TASP1: variants seen among roughly 807,000 people sequenced by gnomAD.
TASP1 encodes the protein taspase 1, also known as threonine aspartase 1.
Under a neutral mutation model 56.6 loss-of-function variants are expected in TASP1, and 16 were observed. The observed-to-expected ratio is 0.28, with a 90% confidence interval of 0.19 to 0.43. The LOEUF (loss-of-function observed/expected upper bound fraction) is 0.43. TASP1 is among the 20% of genes least tolerant of loss of function. TASP1 has a pLI of 1.00. For synonymous variants in TASP1, 179 were observed against 184.2 expected (o/e 0.97, Z 0.23); for missense variants, 393 against 511.6 (o/e 0.77, Z 2.24).
At chr20:13,550,371 T>G (rs549848995) in intron 8 of TASP1, among the ~76,000 whole-genome samples, 1 of 152,130 alleles carries the variant, frequency 6.6e-6, no homozygotes, top group South Asian at 2.1e-4. Flanking sequence ...AAGACATTAA[T>G]TAAGTTACTG....
chr20:13,380,492 C>T, the TASP1 span, among the ~76,000 whole-genome samples: 13 of 152,128 alleles, frequency 8.5e-5, no homozygotes, highest in African/African-American at 3.1e-4. Flanking sequence ...CTGGAGCTCT[C>T]CTGTATGAGG....
chr20:13,557,844 T>A (rs898063068), intron 8 of TASP1, among the ~76,000 whole-genome samples: 2 of 151,978 alleles, frequency 1.3e-5, no homozygotes, highest in African/African-American at 2.4e-5. Context: ...GTACTGTGAT[T>A]TACAGGCATG....
intron 13 of TASP1, among the ~76,000 whole-genome samples, chr20:13,414,582 A>G (rs2042192311): frequency 6.6e-6 from 1 of 152,170 alleles, no homozygotes; most frequent in African/African-American, 2.4e-5. Context: ...TTATAGCTGA[A>G]TAAGTTCCAT....
the TASP1 span, among the ~76,000 whole-genome samples, chr20:13,309,462 C>T: frequency 6.6e-6 from 1 of 152,252 alleles, no homozygotes; most frequent in East Asian, 1.9e-4. Flanking sequence ...CCACAGCTAA[C>T]ATCATACTCA....
At chr20:13,466,553 T>G (rs1208983584) in intron 11 of TASP1, among the ~76,000 whole-genome samples, 3 of 151,876 alleles carry the variant, frequency 2.0e-5, no homozygotes, top group Non-Finnish European at 2.9e-5. Context: ...AAGACCAGGA[T>G]AGCCAACACA....
intron 10 of TASP1, among the ~76,000 whole-genome samples, chr20:13,512,615 AT>A (rs1353507077): frequency 6.6e-6 from 1 of 152,040 alleles, no homozygotes; most frequent in Non-Finnish European, 1.5e-5. Context: ...ATTAGATCCC[AT>A]TTGTCAATTT....
the TASP1 span, among the ~76,000 whole-genome samples, chr20:13,148,300 T>C: frequency 6.6e-6 from 1 of 152,212 alleles, no homozygotes; most frequent in Non-Finnish European, 1.5e-5. Context: ...AAAGTATTTG[T>C]GGCCTCCGTT....
chr20:13,159,447 G>A, the TASP1 span, among the ~76,000 whole-genome samples: 6 of 152,034 alleles, frequency 3.9e-5, no homozygotes, highest in African/African-American at 7.3e-5. Flanking sequence ...AATCTTTGGC[G>A]CTGCAGTGGG....
At position 13,532,601 on chromosome 20, in the gene TASP1, G is replaced by A. The variant is rs116924064; in HGVS notation, c.795+1421C>T. ...AGGCAAACCAACACATAAATTTTAC[G>A]GAAGTATTTCTTTTGCTCAGGACAG... On this transcript the variant is annotated intron_variant, in intron 9 of 13. Coordinates refer to ENST00000337743, the MANE Select transcript of TASP1 (RefSeq NM_017714.3). 5.1e-3 allele frequency among the ~76,000 whole-genome samples: 772 copies of A among 152,210 alleles called. 4 individuals are homozygous for A. The highest frequency in any genetic ancestry group is 0.012 in the East Asian group (60 of 5,176).
chr20:13,456,465 GA>G lies in TASP1; in HGVS notation c.986-21312del, dbSNP rs1340076368. ...CCTTCTTTTTGTTTGCTATCCTAAA[GA>G]AAAAAACCTGTAAAGGGTGCCAATT... On this transcript the variant is annotated intron_variant, in intron 11 of 13. Transcript: ENST00000337743. Among the ~76,000 whole-genome samples, 24 of 151,936 alleles carry G rather than the reference GA, an allele frequency of 1.6e-4. No individual in the cohort carries two copies. The East Asian group carries it at 4.3e-3, about 27-fold the overall frequency.
At chr20:13,556,755 A>G (rs1194742019) in intron 8 of TASP1, among the ~76,000 whole-genome samples, 1 of 152,198 alleles carries the variant, frequency 6.6e-6, no homozygotes, top group African/African-American at 2.4e-5. Flanking sequence ...GAGTCTTCAT[A>G]AAAGCCACTC....
rs78582838 is a variant in TASP1, at chr20:13,502,766, G to A, written c.875-19429C>T. Among the ~76,000 whole-genome samples, 59 of 152,272 alleles carry A rather than the reference G, an allele frequency of 3.9e-4. 1 individual carries two copies. The East Asian group carries it at 7.4e-3, about 19-fold the overall frequency. On this transcript the variant is annotated intron_variant, in intron 10 of 13. Transcript: ENST00000337743. ...TTTCTATCATCAATCCCCTAAAGGA[G>A]CATCAATTTGACCACTACCTACAAA...
Position 13,410,142 on chromosome 20 carries a change from C to A in TASP1, c.1170+7306G>T, listed in dbSNP as rs983846377. On this transcript the variant is annotated intron_variant, in intron 13 of 13. Coordinates refer to ENST00000337743, the MANE Select transcript of TASP1 (RefSeq NM_017714.3). Reference sequence around the variant, plus strand: ...ACCTCCACTTCAATCCATGCTGTTGCAAATGACATGATTTCATTCTTTAAT... The same window carrying A: ...ACCTCCACTTCAATCCATGCTGTTGAAAATGACATGATTTCATTCTTTAAT... 3.3e-5 allele frequency among the ~76,000 whole-genome samples: 5 copies of A among 152,192 alleles called. No homozygotes were observed. The East Asian group carries it at 9.6e-4, about 29-fold the overall frequency.
chr20:13,497,074 G>A (rs1290359088), intron 10 of TASP1, among the ~76,000 whole-genome samples: 1 of 152,178 alleles, frequency 6.6e-6, no homozygotes, highest in East Asian at 1.9e-4. Flanking sequence ...AAACAAGGCT[G>A]AATCCATTCA....
chr20:13,298,474 T>G, the TASP1 span, among the ~76,000 whole-genome samples: 1 of 152,172 alleles, frequency 6.6e-6, no homozygotes, highest in African/African-American at 2.4e-5. Context: ...TTGTTAGGAG[T>G]GATAATCGGA....
the TASP1 span, among the ~76,000 whole-genome samples, chr20:13,341,627 TTGTAATGTGGCCTTATCTTG>T: frequency 6.6e-6 from 1 of 152,252 alleles, no homozygotes; most frequent in East Asian, 1.9e-4. Context: ...TCTTGTGGAC[TTGTAATGTGGCCTTATCTTG>T]CATGATCCTC....
chr20:13,147,524 G>C, the TASP1 span, among the ~76,000 whole-genome samples: 1 of 152,274 alleles, frequency 6.6e-6, no homozygotes, highest in South Asian at 2.1e-4. Context: ...CTGCCCCCTT[G>C]CCAAGCCAGG....
At chr20:13,111,139 C>T in the TASP1 span, among the ~76,000 whole-genome samples, 1 of 152,204 alleles carries the variant, frequency 6.6e-6, no homozygotes, top group East Asian at 1.9e-4. Context: ...TTATTTTTAA[C>T]ATTTTTAACT....
chr20:13,144,298 A>T, the TASP1 span, among the ~76,000 whole-genome samples: 2 of 152,216 alleles, frequency 1.3e-5, no homozygotes, highest in African/African-American at 4.8e-5. Flanking sequence ...AAGACCCTTG[A>T]AAATAGTGGA....
Sources: allele counts gnomAD v4.1 joint callset (sites outside exome capture counted in the v4.1 genomes callset), GRCh38; gene constraint gnomAD v4.1.1; transcripts MANE v1.5; gene names NCBI Gene and HGNC (gene_info 2026-07-23, HGNC 2026-07-21).